The following FNDC1 variants were observed in gnomAD, a reference collection of about 807,000 sequenced individuals.
FNDC1 encodes fibronectin type III domain containing 1.
In FNDC1, 96 loss-of-function variants were observed where a neutral mutation model predicts 168.0. The observed-to-expected ratio is 0.57, with a 90% CI of 0.48 to 0.68. The LOEUF is 0.68. Among genes scored for constraint, FNDC1 ranks in the 30% least tolerant of loss-of-function variants. FNDC1 has a pLI of 0.00. For synonymous variants in FNDC1, 1,099 were observed against 1,025.9 expected, an observed-to-expected ratio of 1.07 and a Z score of -1.36; for missense variants, 2,587 against 2,482.1, an observed-to-expected ratio of 1.04 and a Z score of -0.90.
chr6:159,198,866 G>C (rs2114947239), intron 2 of FNDC1, among the ~76,000 whole-genome samples: 1 of 152,246 alleles, frequency 6.6e-6, no homozygotes, highest in South Asian at 2.1e-4. Flanking sequence ...CTGACCCCCG[G>C]GCATTTCCCC....
intron 1 of FNDC1, among the ~76,000 whole-genome samples, chr6:159,189,797 T>A (rs556102409): frequency 4.5e-4 from 68 of 152,306 alleles, no homozygotes; most frequent in African/African-American, 1.6e-3. Flanking sequence ...CCCTGGGAAT[T>A]TTGTGATGGG....
At chr6:159,206,293 G>A (rs1363713030) in intron 4 of FNDC1, among the ~76,000 whole-genome samples, 1 of 152,242 alleles carries the variant, frequency 6.6e-6, no homozygotes, top group Non-Finnish European at 1.5e-5. Flanking sequence ...TTTGGCCAAT[G>A]GGGAATTAAT....
rs1274861286 is a variant in FNDC1, at chr6:159,232,684, G to A, written c.2172G>A (p.Gly724=). ...CCTCAAGACTTTCTCCACCCCATGGGGGATCATCTCGGCTGCTGCCCACCC... is the reference window on the plus strand; with the variant it reads ...CCTCAAGACTTTCTCCACCCCATGGAGGATCATCTCGGCTGCTGCCCACCC... ...APPSRLSPPH[G]GSSRLLPTQP... Residue 724 remains glycine (G), a synonymous_variant, in exon 11 of 23, where the codon GGG becomes GGA. Transcript: ENST00000297267. This position sits in a 1 kb window ranked among gnomAD's most constrained non-coding sequence, Gnocchi z 4.9. The A allele has an allele frequency of 3.7e-6, 6 of 1,613,876 alleles. No homozygotes were observed. The highest frequency in any genetic ancestry group is 5.1e-6 in the Non-Finnish European group (6 of 1,179,838).
intron 9 of FNDC1, among the ~76,000 whole-genome samples, chr6:159,227,997 T>G (rs1303736969): frequency 6.6e-6 from 1 of 152,138 alleles, no homozygotes; most frequent in African/African-American, 2.4e-5. Context: ...TTAAGTATTG[T>G]TGTGCTGCCG....
At position 159,271,790 on chromosome 6, in the gene FNDC1, A is replaced by G. The variant is rs558506571; in HGVS notation, c.*348A>G. On this transcript the variant is annotated 3_prime_UTR_variant, in exon 23 of 23. Transcript: ENST00000297267. ...ACACTTCAGTATTTCCAGGAATAGC[A>G]TATGCACGCTGTTCTTGCTTCATGG... 1.9e-4 allele frequency: 39 copies of G among 202,354 alleles called. No individual in the cohort carries two copies. The highest frequency in any genetic ancestry group is 8.6e-4 in the African/African-American group (37 of 42,880). The allele number at this position is 202,354 out of a possible 1,614,324, so 12.5% of individuals were successfully genotyped here. A position where few individuals can be genotyped will look rare whatever the true frequency, so the allele number is the denominator to read the frequency against.
At chr6:159,270,717 T>A (rs1268078124) in intron 22 of FNDC1, among the ~76,000 whole-genome samples, 1 of 152,188 alleles carries the variant, frequency 6.6e-6, no homozygotes, top group Admixed American at 6.5e-5. Flanking sequence ...TTTTGAGAGA[T>A]TTCCTTGAAA....
At chr6:159,247,118 G>A (rs967267467) in intron 15 of FNDC1, 149 bp downstream of exon 15, 2 of 649,610 alleles carry the variant, frequency 3.1e-6, no homozygotes, top group African/African-American at 3.6e-5. Flanking sequence ...GGGAAGGGTG[G>A]TTGTACCCCA....
chr6:159,175,668 G>A (rs1216443450), intron 1 of FNDC1, among the ~76,000 whole-genome samples: 1 of 152,228 alleles, frequency 6.6e-6, no homozygotes, highest in Non-Finnish European at 1.5e-5. Flanking sequence ...CTGTGGATGT[G>A]AGCAGGGTCC....
chr6:159,220,880 C>T (rs1046521601), intron 5 of FNDC1, among the ~76,000 whole-genome samples: 10 of 152,192 alleles, frequency 6.6e-5, no homozygotes, highest in Middle Eastern at 3.2e-3. Context: ...AAAGAATCCA[C>T]GTATAACGTG....
chr6:159,223,382 C>T, intron 6 of FNDC1, 146 bp from the exon 7 acceptor site: 1 of 527,204 alleles, frequency 1.9e-6, no homozygotes, highest in East Asian at 3.2e-5. Flanking sequence ...AATTGTTTAC[C>T]TTTCTATCAA....
chr6:159,267,287 A>G (rs1395666042), intron 21 of FNDC1, among the ~76,000 whole-genome samples: 2 of 151,960 alleles, frequency 1.3e-5, no homozygotes, highest in African/African-American at 2.4e-5. Context: ...CAGAATTCCT[A>G]GGAGAGGCTG....
chr6:159,192,660 C>A (rs1326845275), intron 1 of FNDC1, among the ~76,000 whole-genome samples: 1 of 152,094 alleles, frequency 6.6e-6, no homozygotes, highest in Non-Finnish European at 1.5e-5. Flanking sequence ...TCATATTGGA[C>A]CATATAGACA....
intron 1 of FNDC1, among the ~76,000 whole-genome samples, chr6:159,171,416 G>A (rs1356259735): frequency 6.6e-6 from 1 of 152,134 alleles, no homozygotes; most frequent in African/African-American, 2.4e-5. Context: ...TTCTTTCATG[G>A]GCTCCCTTTG....
chr6:159,237,498 G>T (rs907436432), intron 12 of FNDC1, among the ~76,000 whole-genome samples: 3 of 152,188 alleles, frequency 2.0e-5, no homozygotes, highest in African/African-American at 7.2e-5. Context: ...CTTTCTTCAA[G>T]TTTTACAGTT....
At chr6:159,242,596 G>A (rs1395702053) in intron 14 of FNDC1, among the ~76,000 whole-genome samples, 1 of 152,148 alleles carries the variant, frequency 6.6e-6, no homozygotes, top group Non-Finnish European at 1.5e-5. Flanking sequence ...GTTAGTGGAT[G>A]TTAATATATT....
At position 159,187,358 on chromosome 6, in the gene FNDC1, G is replaced by A. The variant is rs966356820; in HGVS notation, c.110-10073G>A. ...TGATGTTCCTCTGACCTGACAAAGC[G>A]CTGGGTGGTGTCAGAGTTTTGTTTG... On this transcript the variant is annotated intron_variant, in intron 1 of 22. Coordinates refer to ENST00000297267, the MANE Select transcript of FNDC1 (RefSeq NM_032532.3). 3.3e-5 allele frequency among the ~76,000 whole-genome samples: 5 copies of A among 152,254 alleles called. No individual in the cohort carries two copies. The South Asian group carries it at 6.2e-4, about 19-fold the overall frequency.
intron 12 of FNDC1, among the ~76,000 whole-genome samples, chr6:159,238,279 A>G (rs1217522905): frequency 1.3e-5 from 2 of 151,848 alleles, no homozygotes; most frequent in South Asian, 2.1e-4. Flanking sequence ...TTGTATTTTT[A>G]GTAGAGACGG....
intron 17 of FNDC1, among the ~76,000 whole-genome samples, chr6:159,252,523 C>T (rs1777292567): frequency 6.6e-6 from 1 of 152,138 alleles, no homozygotes; most frequent in Non-Finnish European, 1.5e-5. Context: ...GGGTATTCTG[C>T]CAGGTGAGAC....
rs144038791 is a variant in FNDC1, at chr6:159,191,564, A to G, written c.110-5867A>G. Reference sequence around the variant, plus strand: ...TTTTGAAACCTCAGCTGTGTATTTTAACTTCATTATCTACAACGATTATGT... The same window carrying G: ...TTTTGAAACCTCAGCTGTGTATTTTGACTTCATTATCTACAACGATTATGT... On this transcript the variant is annotated intron_variant, in intron 1 of 22. Coordinates refer to ENST00000297267, the MANE Select transcript of FNDC1 (RefSeq NM_032532.3). Among the ~76,000 whole-genome samples the G allele has an allele frequency of 3.3e-5, 5 of 152,326 alleles. No homozygotes were observed. The East Asian group carries it at 9.6e-4, about 29-fold the overall frequency.
Sources: allele counts gnomAD v4.1 joint callset (sites outside exome capture counted in the v4.1 genomes callset), GRCh38; gene constraint gnomAD v4.1.1; non-coding constraint Gnocchi (gnomAD v3.1); transcripts MANE v1.5; gene names NCBI Gene and HGNC (gene_info 2026-07-23, HGNC 2026-07-21).